C8orf76: variants seen among roughly 807,000 people sequenced by gnomAD.
C8orf76 encodes uncharacterized protein C8orf76.
C8orf76 carries 46 observed loss-of-function variants against 38.1 expected under a neutral mutation model. The ratio of observed to expected loss-of-function variants is 1.21; its 90% confidence interval spans 0.95 to 1.54. The LOEUF (loss-of-function observed/expected upper bound fraction) is 1.54, where lower values mean the gene tolerates loss of function less well. Ranked by LOEUF, C8orf76 falls within the 40% of genes most tolerant of loss-of-function variation. The probability of loss-of-function intolerance (pLI) is 0.00; values close to 1 mark genes in which losing one functional copy is unlikely to be tolerated. For missense variants in C8orf76, 461 were observed against 441.6 expected, an observed-to-expected ratio of 1.04 and a Z score of -0.39; for synonymous variants, 166 against 167.5, an observed-to-expected ratio of 0.99 and a Z score of 0.07.
In C8orf76 at chr8:123,231,459, G is replaced by C. The variant is rs200532140; in HGVS notation, c.656C>G (p.Thr219Ser). The change falls in exon 4 of 6, where the codon ACC becomes AGC. Residue 219 changes from threonine to serine, a missense_variant. Coordinates refer to ENST00000276704, the MANE Select transcript of C8orf76 (RefSeq NM_032847.3). ...AGAAAATAAAGAGCTCTCAGGCAAG[G>C]TTTCAGGAAAACACAAAAGACAGTC... is the stretch of plus-strand genomic sequence containing the variant. ...GKDCLLCFPE[T>S]LPESSLFSVE... The C allele has an allele frequency of 2.0e-5, 33 of 1,614,066 alleles. No homozygotes were observed. Among genetic ancestry groups the C allele is most frequent in the Non-Finnish European group, 2.6e-5 (31 of 1,180,032 alleles).
chr8:123,227,297 T>C (rs2131138742), intron 4 of C8orf76, among the ~76,000 whole-genome samples: 1 of 151,892 alleles, frequency 6.6e-6, no homozygotes, highest in East Asian at 1.9e-4. Context: ...TATGCAGATT[T>C]TCCCCTTTTT....
At chr8:123,239,200 T>G (rs1825597177) in intron 1 of C8orf76, 56 bp from the exon 2 acceptor site, 1 of 1,551,464 alleles carries the variant, frequency 6.4e-7, no homozygotes, top group Non-Finnish European at 8.9e-7. Flanking sequence ...CCACCTCATA[T>G]TCAGAAGCAA....
intron 2 of C8orf76, 63 bp from the exon 3 acceptor site, chr8:123,238,004 G>C: frequency 6.5e-7 from 1 of 1,534,056 alleles, no homozygotes; most frequent in Non-Finnish European, 8.8e-7. Context: ...AAAGGATTCA[G>C]AATAGGGGTG....
rs754108694 is a variant in C8orf76, at chr8:123,226,562, C to A, written c.886G>T (p.Glu296Ter). ...ALERNLRTQQ[E>*]IEDKMKGFSF... ...AACCCTTTCATTTTATCTTCAATTT[C>A]CTGCTGAGTCCTTAAGTTCCTCTCC... The change falls in exon 5 of 6, where the codon GAA (glutamate) becomes TAA (stop). Residue 296 changes from glutamate (E) to a stop codon, truncating the protein, a stop_gained. Transcript: ENST00000276704. LOFTEE classifies it high-confidence loss of function. 1 of 1,613,510 alleles carries A rather than the reference C, an allele frequency of 6.2e-7. No homozygotes were observed. The highest frequency in any genetic ancestry group is 8.5e-7 in the Non-Finnish European group (1 of 1,179,906).
intron 3 of C8orf76, among the ~76,000 whole-genome samples, chr8:123,232,783 T>A (rs1431982565): frequency 1.2e-4 from 18 of 152,224 alleles, no homozygotes; most frequent in Admixed American, 1.2e-3. Flanking sequence ...ATTGTTACTA[T>A]TGTTCAGCAT....
At chr8:123,226,743 C>G in intron 4 of C8orf76, 111 bp from the exon 5 acceptor site, 4 of 1,444,352 alleles carry the variant, frequency 2.8e-6, no homozygotes, top group Non-Finnish European at 3.6e-6. Context: ...GCTGCAAGTC[C>G]CACCAGGTTA....
At chr8:123,223,460 T>C (rs1824940746) in intron 5 of C8orf76, among the ~76,000 whole-genome samples, 1 of 152,078 alleles carries the variant, frequency 6.6e-6, no homozygotes, top group East Asian at 1.9e-4. Flanking sequence ...ACATAAAAAT[T>C]AGCTGGGCAT....
intron 3 of C8orf76, 67 bp downstream of exon 3, chr8:123,237,731 T>C (rs1281717367): frequency 6.6e-6 from 10 of 1,510,488 alleles, no homozygotes; most frequent in Non-Finnish European, 8.9e-6. Context: ...TGTTTTGTTT[T>C]CAAAAAATAC....
At chr8:123,231,900 AAT>A (rs1404472136) in intron 3 of C8orf76, 143 bp from the exon 4 acceptor site, 2 of 874,800 alleles carry the variant, frequency 2.3e-6, no homozygotes, top group Non-Finnish European at 3.3e-6. Context: ...AATATATTTC[AAT>A]ATATCTCATG....
At chr8:123,234,768 A>G (rs1415363240) in intron 3 of C8orf76, among the ~76,000 whole-genome samples, 3 of 133,106 alleles carry the variant, frequency 2.3e-5, no homozygotes, top group Non-Finnish European at 3.3e-5. Context: ...GACTCCATCT[A>G]AAAAACAAAA....
chr8:123,236,926 G>C (rs879220723), intron 3 of C8orf76: 2 of 1,400,416 alleles, frequency 1.4e-6, no homozygotes, highest in Non-Finnish European at 1.0e-6. Context: ...CCAAAATTCA[G>C]GACAAGGAGG....
At chr8:123,227,372 A>G (rs1215387955) in intron 4 of C8orf76, among the ~76,000 whole-genome samples, 1 of 151,522 alleles carries the variant, frequency 6.6e-6, no homozygotes, top group Non-Finnish European at 1.5e-5. Context: ...CATGCCCAAC[A>G]CTACGCTAGG....
In C8orf76 at chr8:123,220,002, A is replaced by G. The variant is rs1366335904; in HGVS notation, c.*101T>C. The G allele has an allele frequency of 1.6e-6, 1 of 636,672 alleles. No individual in the cohort carries two copies. The highest frequency in any genetic ancestry group is 3.4e-5 in the Admixed American group (1 of 29,590). 39.4% of individuals were successfully genotyped at this position (636,672 alleles called of 1,614,324 possible). Reference sequence around the variant, plus strand: ...CAGAAGCCAGTTTTATAAAACATAAATAATCATTTATACTCCATGATTAGC... The same window carrying G: ...CAGAAGCCAGTTTTATAAAACATAAGTAATCATTTATACTCCATGATTAGC... On this transcript the variant is annotated 3_prime_UTR_variant, in exon 6 of 6. Coordinates refer to ENST00000276704, the MANE Select transcript of C8orf76 (RefSeq NM_032847.3).
chr8:123,241,315 T>G lies in C8orf76; in HGVS notation c.32A>C (p.Glu11Ala). 1 of 1,571,296 alleles carries G rather than the reference T, an allele frequency of 6.4e-7. No homozygotes were observed. The highest frequency in any genetic ancestry group is 8.6e-7 in the Non-Finnish European group (1 of 1,164,094). MDSGCWLFGGEFEDSVFEERP... is the reference protein window; with the variant it reads MDSGCWLFGGAFEDSVFEERP... ...CTCCTCGAACACCGAGTCCTCGAAC[T>G]CGCCGCCGAACAACCAGCACCCGGA... The change falls in exon 1 of 6, where the codon GAG becomes GCG. Residue 11 changes from glutamate to alanine, a missense_variant. Glu to Ala is a moderately radical substitution (Grantham distance 107, BLOSUM62 -1). Coordinates refer to ENST00000276704, the MANE Select transcript of C8orf76 (RefSeq NM_032847.3).
At chr8:123,240,738 GAA>G (rs1356301658) in intron 1 of C8orf76, among the ~76,000 whole-genome samples, 3 of 152,246 alleles carry the variant, frequency 2.0e-5, no homozygotes, top group Admixed American at 6.5e-5. Flanking sequence ...GACGAAATCA[GAA>G]AAGACTTCCT....
intron 3 of C8orf76, among the ~76,000 whole-genome samples, chr8:123,237,414 G>C (rs1259018570): frequency 6.6e-6 from 1 of 152,118 alleles, no homozygotes; most frequent in Admixed American, 6.5e-5. Flanking sequence ...TTGGGGGGGG[G>C]ACCTTTTTTG....
chr8:123,227,965 C>G (rs1825106793), intron 4 of C8orf76, among the ~76,000 whole-genome samples: 1 of 152,136 alleles, frequency 6.6e-6, no homozygotes. Flanking sequence ...TTTCTGCCCT[C>G]TGGATATACT....
At chr8:123,240,737 A>T (rs1825654220) in intron 1 of C8orf76, among the ~76,000 whole-genome samples, 1 of 152,270 alleles carries the variant, frequency 6.6e-6, no homozygotes, top group African/African-American at 2.4e-5. Flanking sequence ...AGACGAAATC[A>T]GAAAAGACTT....
At chr8:123,236,441 T>TA (rs539360849) in intron 3 of C8orf76, among the ~76,000 whole-genome samples, 221 of 151,700 alleles carry the variant, frequency 1.5e-3, no homozygotes, top group Middle Eastern at 3.4e-3. Context: ...CTTTATCCCT[T>TA]AAAAAAAAAT....
Sources: gnomAD v4.1 joint callset for allele counts (sites outside exome capture counted in the v4.1 genomes callset) on GRCh38, gnomAD v4.1.1 for gene constraint, MANE v1.5 for transcripts, NCBI Gene and HGNC (gene_info 2026-07-23, HGNC 2026-07-21) for gene names.